The following GPR149 variants were observed in gnomAD, a reference collection of about 807,000 sequenced individuals.
GPR149 encodes the protein probable G protein-coupled receptor 149.
In GPR149, 50 loss-of-function variants were observed where a neutral mutation model predicts 50.2. The observed-to-expected ratio is 1.00, with a 90% CI of 0.79 to 1.26. GPR149 has a LOEUF of 1.26. GPR149 is among the 50% of genes most tolerant of loss of function. The pLI is 0.00. For synonymous variants in GPR149, 405 were observed against 358.2 expected (o/e 1.13, Z -1.48); for missense variants, 983 against 895.4 (o/e 1.10, Z -1.25).
intron 3 of GPR149, among the ~76,000 whole-genome samples, chr3:154,396,446 C>T (rs987305878): frequency 2.6e-5 from 4 of 152,004 alleles, no homozygotes; most frequent in Admixed American, 6.6e-5. Context: ...TAGATGACTT[C>T]GTTACTCTTC....
Position 154,429,446 on chromosome 3 carries a change from G to A in GPR149, c.170C>T (p.Ser57Phe), listed in dbSNP as rs1232531439. The change falls in exon 1 of 4, where the codon TCC (serine) becomes TTC (phenylalanine). Residue 57 changes from serine to phenylalanine, a missense_variant. Transcript: ENST00000389740. ...ALVGSIYSLI[S>F]LLKMQNRTVV... ...AGTTCTGTTCTGCATTTTCAGCAGG[G>A]AAATTAGTGAATAAATGCTGCCCAC... The A allele has an allele frequency of 1.2e-6, 2 of 1,614,180 alleles. No homozygotes were observed.
chr3:154,358,862 T>C (rs1714312930), intron 3 of GPR149, among the ~76,000 whole-genome samples: 1 of 152,134 alleles, frequency 6.6e-6, no homozygotes, highest in African/African-American at 2.4e-5. Context: ...TATGTATTTG[T>C]GCATGGGTGT....
chr3:154,393,837 A>G (rs1025523698), intron 3 of GPR149, among the ~76,000 whole-genome samples: 2 of 152,038 alleles, frequency 1.3e-5, no homozygotes, highest in African/African-American at 4.8e-5. Context: ...CAAAAATAAT[A>G]AAATACTTAG....
intron 3 of GPR149, among the ~76,000 whole-genome samples, chr3:154,374,802 CCT>C (rs1168588172): frequency 1.3e-5 from 2 of 152,084 alleles, no homozygotes; most frequent in African/African-American, 4.8e-5. Flanking sequence ...AGTGAGGCAG[CCT>C]TTGGTCCTCA....
In GPR149 at chr3:154,429,093, A is replaced by G; in HGVS notation, c.523T>C (p.Phe175Leu). Residue 175 changes from phenylalanine (F) to leucine (L), a missense_variant, in exon 1 of 4, where the codon TTC (phenylalanine) becomes CTC (leucine). Physicochemically the swap from Phe to Leu is conservative, Grantham distance 22. Transcript: ENST00000389740. ...AGGCAGCCCCAGGGCGTGCGCACGA[A>G]GGCGCCCCAGCCGCACAGCGGGAGC... Reference protein sequence around the residue: ...SALPLCGWGAFVRTPWGCLVD... With the variant: ...SALPLCGWGALVRTPWGCLVD... The G allele has an allele frequency of 6.2e-7, 1 of 1,613,646 alleles. No homozygotes were observed. Among genetic ancestry groups the G allele is most frequent in the Non-Finnish European group, 8.5e-7 (1 of 1,179,920 alleles).
At chr3:154,350,264 C>T (rs1484168954) in intron 3 of GPR149, among the ~76,000 whole-genome samples, 1 of 152,040 alleles carries the variant, frequency 6.6e-6, no homozygotes, top group African/African-American at 2.4e-5. Flanking sequence ...GAAACTTTTG[C>T]AACTTGCAGA....
intron 3 of GPR149, among the ~76,000 whole-genome samples, chr3:154,397,927 A>G (rs572660316): frequency 1.3e-5 from 2 of 148,894 alleles, no homozygotes; most frequent in Non-Finnish European, 1.5e-5. Flanking sequence ...CAATGGTTAT[A>G]AGATTTTTGT....
intron 3 of GPR149, among the ~76,000 whole-genome samples, chr3:154,407,677 GTA>G (rs1711732025): frequency 1.2e-5 from 1 of 80,884 alleles, no homozygotes; most frequent in Admixed American, 1.3e-4. Flanking sequence ...GTTCATGTGT[GTA>G]TATGTCATGT....
chr3:154,368,014 C>T (rs1714581932), intron 3 of GPR149, among the ~76,000 whole-genome samples: 1 of 152,228 alleles, frequency 6.6e-6, no homozygotes, highest in Non-Finnish European at 1.5e-5. Flanking sequence ...TGTCTAACAA[C>T]CCCCGACCCT....
chr3:154,352,228 C>T, intron 3 of GPR149: 1 of 879,680 alleles, frequency 1.1e-6, no homozygotes, highest in African/African-American at 1.7e-5. Context: ...GAGTGACTCC[C>T]TTGTCGACTC....
chr3:154,428,362 A>G (rs566379712), intron 1 of GPR149, among the ~76,000 whole-genome samples: 1 of 152,304 alleles, frequency 6.6e-6, no homozygotes, highest in Non-Finnish European at 1.5e-5. Flanking sequence ...GCCACCACCG[A>G]TATGGAAAAC....
intron 3 of GPR149, among the ~76,000 whole-genome samples, chr3:154,373,221 G>A (rs1285702789): frequency 6.6e-6 from 1 of 152,104 alleles, no homozygotes; most frequent in African/African-American, 2.4e-5. Context: ...TCAGGAATGT[G>A]TCATGTCATG....
chr3:154,378,086 CCCT>C lies in GPR149; in HGVS notation c.1624-39818_1624-39816del, dbSNP rs1391060151. On this transcript the variant is annotated intron_variant, in intron 3 of 3. Coordinates refer to ENST00000389740, the MANE Select transcript of GPR149 (RefSeq NM_001038705.3). ...CTCATTATATTGATATATCCCCCCC[CCCT>C]TTTTTTTTTTTTGAGATGGAGTCCC... Among the ~76,000 whole-genome samples, 303 of 72,530 alleles carry C rather than the reference CCCT, an allele frequency of 4.2e-3. 6 individuals are homozygous for C. In the South Asian group the frequency reaches 0.051, roughly 12 times the overall value. 47.6% of individuals were successfully genotyped at this position (72,530 alleles called of 152,430 possible).
chr3:154,352,202 A>T (rs753160340), intron 3 of GPR149: 1 of 894,000 alleles, frequency 1.1e-6, no homozygotes, highest in East Asian at 2.5e-5. Flanking sequence ...ATCTTCTACC[A>T]TCTTGTCGAC....
chr3:154,346,241 GA>G (rs1713921770), intron 3 of GPR149, among the ~76,000 whole-genome samples: 1 of 152,156 alleles, frequency 6.6e-6, no homozygotes, highest in South Asian at 2.1e-4. Context: ...AGGACATTGA[GA>G]GGGAAAAAAT....
chr3:154,339,654 A>G (rs1486279136), intron 3 of GPR149, among the ~76,000 whole-genome samples: 1 of 152,086 alleles, frequency 6.6e-6, no homozygotes, highest in Non-Finnish European at 1.5e-5. Context: ...GGCATTTTCA[A>G]TCTGGACCCA....
In GPR149 at chr3:154,395,833, T is replaced by C. The variant is rs539563954; in HGVS notation, c.1623+25206A>G. ...AACAAATAAACAAACAAACCAAATG[T>C]GATTTCTTTATAGAAAAACACAGCC... On this transcript the variant is annotated intron_variant, in intron 3 of 3. Transcript: ENST00000389740. 1.1e-4 allele frequency among the ~76,000 whole-genome samples: 17 copies of C among 152,282 alleles called. No individual in the cohort carries two copies. The East Asian group carries it at 3.1e-3, about 28-fold the overall frequency.
intron 3 of GPR149, among the ~76,000 whole-genome samples, chr3:154,360,848 A>T (rs1714362147): frequency 6.6e-6 from 1 of 152,172 alleles, no homozygotes. Context: ...TTTACAAATA[A>T]TGAGCATAAG....
chr3:154,373,835 T>C (rs1714725115), intron 3 of GPR149, among the ~76,000 whole-genome samples: 1 of 152,206 alleles, frequency 6.6e-6, no homozygotes, highest in African/African-American at 2.4e-5. Flanking sequence ...TAACCTACCA[T>C]GAATAGAGTA....
Sources: allele counts gnomAD v4.1 joint callset (sites outside exome capture counted in the v4.1 genomes callset), GRCh38; gene constraint gnomAD v4.1.1; transcripts MANE v1.5; gene names NCBI Gene and HGNC (gene_info 2026-07-23, HGNC 2026-07-21).